Variants in NAA25 observed in about 807,000 individuals in gnomAD.
The protein encoded by NAA25 is N-terminal acetyltransferase B complex subunit NAA25.
NAA25 carries 30 observed loss-of-function variants against 132.5 expected under a neutral mutation model. The observed-to-expected ratio is 0.23, with a 90% CI of 0.17 to 0.31. NAA25 has a LOEUF of 0.31. Ranked by LOEUF, NAA25 falls within the 10% of genes least tolerant of loss-of-function variation. The probability of loss-of-function intolerance (pLI) is 1.00; values close to 1 mark genes in which losing one functional copy is unlikely to be tolerated. For synonymous variants in NAA25, 359 were observed against 401.9 expected (o/e 0.89, Z 1.28); for missense variants, 771 against 1,150.4 (o/e 0.67, Z 4.77).
rs374278097 is a variant in NAA25 at position 112,065,369 on chromosome 12, G to A, written c.1149+3511C>T. Among the ~76,000 whole-genome samples the A allele has an allele frequency of 3.6e-4, 55 of 152,166 alleles. 1 individual carries two copies. The South Asian group carries it at 7.1e-3, about 20-fold the overall frequency. On this transcript the variant is annotated intron_variant, in intron 11 of 23. Coordinates refer to ENST00000261745, the MANE Select transcript of NAA25 (RefSeq NM_024953.4). ...AAAAAAATTAGCTAGGCATGGTGGCGGGCACCTGTAATCCCAGTTAGTCAG... is the reference window on the plus strand; with the variant it reads ...AAAAAAATTAGCTAGGCATGGTGGCAGGCACCTGTAATCCCAGTTAGTCAG...
At position 112,086,073 on chromosome 12, in the gene NAA25, T is replaced by TATATATATATATATATACACAC. The variant is rs759148501; in HGVS notation, c.402+1609_402+1610insGTGTGTATATATATATATATAT. 2.2e-3 allele frequency among the ~76,000 whole-genome samples: 118 copies of TATATATATATATATATACACAC among 53,928 alleles called. 1 individual carries two copies. The highest frequency in any genetic ancestry group is 6.8e-3 in the African/African-American group (56 of 8,294). The allele number at this position is 53,928 out of a possible 152,430, so 35.4% of individuals were successfully genotyped here. On this transcript the variant is annotated intron_variant, in intron 4 of 23. Transcript: ENST00000261745. Reference sequence around the variant, plus strand: ...AAAAATATATATATATATATATATATACACACACACACACACACACACACA... The same window carrying TATATATATATATATATACACAC: ...AAAAATATATATATATATATATATATATATATATATATATATACACACACACACACACACACACACACACACA...
intron 1 of NAA25, among the ~76,000 whole-genome samples, chr12:112,104,972 G>A (rs188684242): frequency 1.5e-4 from 23 of 151,534 alleles, no homozygotes; most frequent in Admixed American, 5.9e-4. Context: ...AGCCAAGATC[G>A]CGCCACTGCA....
intron 1 of NAA25, among the ~76,000 whole-genome samples, chr12:112,105,982 G>C (rs779159418): frequency 2.0e-5 from 3 of 152,210 alleles, no homozygotes; most frequent in Non-Finnish European, 4.4e-5. Flanking sequence ...CAGAATGTCT[G>C]AATTCAAGGA....
intron 22 of NAA25, among the ~76,000 whole-genome samples, chr12:112,035,946 C>G (rs2078219173): frequency 6.6e-6 from 1 of 152,132 alleles, no homozygotes; most frequent in African/African-American, 2.4e-5. Context: ...TTGGCCTCCC[C>G]AAATGCTGGG....
chr12:112,093,179 A>G (rs574494124), intron 1 of NAA25, 43 bp from the exon 2 acceptor site: 9 of 1,161,634 alleles, frequency 7.7e-6, no homozygotes, highest in Middle Eastern at 2.1e-4. Context: ...TATTCCTTCA[A>G]TAACAAATAT....
At chr12:112,097,836 G>A (rs573965817) in intron 1 of NAA25, among the ~76,000 whole-genome samples, 23 of 151,986 alleles carry the variant, frequency 1.5e-4, no homozygotes, top group African/African-American at 2.7e-4. Flanking sequence ...ATGAAGAACC[G>A]AGCAGACCCG....
chr12:112,077,480 AAAAG>A lies in NAA25; in HGVS notation c.664+704_664+707del, dbSNP rs386377765. On this transcript the variant is annotated intron_variant, in intron 7 of 23. Coordinates refer to ENST00000261745, the MANE Select transcript of NAA25 (RefSeq NM_024953.4). Reference sequence around the variant, plus strand: ...GAGTGAGACTCTGTCTCCAAAAAAAAAAAGAAAGAAAGAAATAATGGAGCCCAGT... The same window carrying A: ...GAGTGAGACTCTGTCTCCAAAAAAAAAAAGAAAGAAATAATGGAGCCCAGT... 6.6e-5 allele frequency among the ~76,000 whole-genome samples: 10 copies of A among 151,732 alleles called. No individual in the cohort carries two copies. The South Asian group carries it at 1.5e-3, about 22-fold the overall frequency.
intron 11 of NAA25, among the ~76,000 whole-genome samples, chr12:112,068,141 C>T (rs541112703): frequency 1.0e-3 from 157 of 152,204 alleles, no homozygotes; most frequent in South Asian, 1.7e-3. Context: ...TGGGCTCAAG[C>T]GATCCTGCCG....
At chr12:112,087,538 G>A in intron 4 of NAA25, 145 bp downstream of exon 4, 1 of 616,558 alleles carries the variant, frequency 1.6e-6, no homozygotes, top group East Asian at 2.7e-5. Context: ...AACACATAAG[G>A]AAAACAACTG....
chr12:112,037,951 C>T (rs1371403220), intron 22 of NAA25, among the ~76,000 whole-genome samples: 7 of 151,986 alleles, frequency 4.6e-5, no homozygotes, highest in Admixed American at 1.3e-4. Flanking sequence ...AGATCCCTGA[C>T]GGCATTCTAG....
chr12:112,081,370 C>G (rs974978779), intron 4 of NAA25, among the ~76,000 whole-genome samples: 2 of 152,220 alleles, frequency 1.3e-5, no homozygotes, highest in South Asian at 4.1e-4. Context: ...TAAAGTCCAA[C>G]ATTTCCAGAA....
At position 112,033,279 on chromosome 12, in the gene NAA25, G is replaced by T. The variant is rs1373991119; in HGVS notation, c.2750C>A (p.Ala917Glu). 3 of 1,610,486 alleles carry T rather than the reference G, an allele frequency of 1.9e-6. No individual in the cohort carries two copies. In the African/African-American group the frequency reaches 4.0e-5, roughly 22 times the overall value. Residue 917 changes from alanine to glutamate, a missense_variant, in exon 23 of 24, where the codon GCA becomes GAA. Around this residue, in one of 3 missense-constraint regions of NAA25, gnomAD observed 324 missense variants for 400.0 expected, o/e 0.81. Transcript: ENST00000261745. ...HIKGLETHLIALKLEELILED... is the reference protein window; with the variant it reads ...HIKGLETHLIELKLEELILED... ...TAAAATAAGTTCTTCAAGTTTAAGTGCAATTAGATGTGTTTCAAGCCCTTT... is the reference window on the plus strand; with the variant it reads ...TAAAATAAGTTCTTCAAGTTTAAGTTCAATTAGATGTGTTTCAAGCCCTTT...
At chr12:112,106,261 T>C (rs1484992445) in intron 1 of NAA25, among the ~76,000 whole-genome samples, 5 of 152,334 alleles carry the variant, frequency 3.3e-5, no homozygotes, top group Non-Finnish European at 1.5e-5. Flanking sequence ...GAAATGGACA[T>C]GGTGTTTCCC....
At chr12:112,043,049 C>A in intron 19 of NAA25, 39 bp downstream of exon 19, 1 of 1,539,768 alleles carries the variant, frequency 6.5e-7, no homozygotes, top group Non-Finnish European at 8.8e-7. Flanking sequence ...ACTACATTTT[C>A]TATGACAAAG....
At chr12:112,060,459 G>T in intron 12 of NAA25, 100 bp from the exon 13 acceptor site, 1 of 699,396 alleles carries the variant, frequency 1.4e-6, no homozygotes, top group Non-Finnish European at 2.4e-6. Context: ...GGGAGAGGAG[G>T]AAAAGTAAAA....
chr12:112,081,848 A>G (rs1308023203), intron 4 of NAA25, among the ~76,000 whole-genome samples: 1 of 152,220 alleles, frequency 6.6e-6, no homozygotes, highest in Non-Finnish European at 1.5e-5. Flanking sequence ...AGTAGAAGAA[A>G]CTATCTATTC....
At chr12:112,068,672 T>C (rs1461782056) in intron 11 of NAA25, among the ~76,000 whole-genome samples, 1 of 152,224 alleles carries the variant, frequency 6.6e-6, no homozygotes, top group Non-Finnish European at 1.5e-5. Flanking sequence ...GAATCCACCA[T>C]CTGTTAGGGC....
At chr12:112,047,551 TA>T in intron 17 of NAA25, 113 bp downstream of exon 17, 1 of 1,307,210 alleles carries the variant, frequency 7.6e-7, no homozygotes, top group Non-Finnish European at 1.1e-6. Flanking sequence ...TCTTTAAAAA[TA>T]AACTGCTTCA....
Position 112,088,210 on chromosome 12 carries a change from A to G in NAA25, c.284-409T>C, listed in dbSNP as rs571317103. ...TCAGCCAAGACCCAATTCAAATGTA[A>G]GCTGAACTGTAAGACTTTCTCTGAA... On this transcript the variant is annotated intron_variant, in intron 3 of 23. Coordinates refer to ENST00000261745, the MANE Select transcript of NAA25 (RefSeq NM_024953.4). Among the ~76,000 whole-genome samples, 11 of 152,200 alleles carry G rather than the reference A, an allele frequency of 7.2e-5. No homozygotes were observed. In the South Asian group the frequency reaches 2.3e-3, roughly 32 times the overall value.
Sources: allele counts gnomAD v4.1 joint callset (sites outside exome capture counted in the v4.1 genomes callset), GRCh38; gene constraint gnomAD v4.1.1; regional missense constraint gnomAD v4.1.1; transcripts MANE v1.5; gene names NCBI Gene and HGNC (gene_info 2026-07-23, HGNC 2026-07-21).